Variants in NCOA3 observed in about 807,000 individuals in gnomAD.
NCOA3 encodes the protein CBP-interacting protein.
NCOA3 carries 51 observed loss-of-function variants against 158.8 expected under a neutral mutation model. The observed-to-expected ratio is 0.32, with a 90% CI of 0.26 to 0.41. NCOA3 has a LOEUF of 0.41. NCOA3 is among the 10% of genes least tolerant of loss of function. The pLI, the probability that NCOA3 is intolerant of heterozygous loss-of-function variation, is 1.00. For missense variants in NCOA3, 1,510 were observed against 1,746.6 expected, an observed-to-expected ratio of 0.86 and a Z score of 2.41; for synonymous variants, 537 against 592.4, an observed-to-expected ratio of 0.91 and a Z score of 1.36.
At chr20:47,631,857 A>G (rs1377413491) in intron 8 of NCOA3, among the ~76,000 whole-genome samples, 1 of 152,168 alleles carries the variant, frequency 6.6e-6, no homozygotes, top group Non-Finnish European at 1.5e-5. Context: ...AGTTTGTGTG[A>G]TATATATTCT....
At position 47,649,020 on chromosome 20, in the gene NCOA3, C is replaced by T. The variant is rs997500795; in HGVS notation, c.3562C>T (p.Arg1188Ter). 8 of 1,612,904 alleles carry T rather than the reference C, an allele frequency of 5.0e-6. No homozygotes were observed. In the Admixed American group the frequency reaches 6.7e-5, roughly 13 times the overall value. ...CTCACCTCAGTTTTTGAATCAGAGC[C>T]GACAGGCACTTGAATTGAAAATGGA... ...LQGQQFLNQS[R>*]QALELKMENP... Residue 1188 changes from arginine to a stop codon, truncating the protein, a stop_gained, in exon 19 of 23, where the codon CGA (arginine) becomes TGA (stop). Transcript: ENST00000371998. LOFTEE classifies it high-confidence loss of function.
At chr20:47,588,752 C>T (rs1365832973) in intron 2 of NCOA3, among the ~76,000 whole-genome samples, 3 of 151,916 alleles carry the variant, frequency 2.0e-5, no homozygotes, top group Non-Finnish European at 2.9e-5. Flanking sequence ...CAAAAGATAG[C>T]GTACTATATA....
chr20:47,596,058 G>A (rs1462979788), intron 2 of NCOA3, among the ~76,000 whole-genome samples: 2 of 152,030 alleles, frequency 1.3e-5, no homozygotes, highest in African/African-American at 4.8e-5. Flanking sequence ...TACTTTGAAG[G>A]CTATTCTTGA....
At chr20:47,576,816 A>G (rs1162894899) in intron 1 of NCOA3, among the ~76,000 whole-genome samples, 3 of 152,178 alleles carry the variant, frequency 2.0e-5, no homozygotes, top group African/African-American at 7.2e-5. Context: ...CCACTGGTGG[A>G]GCCCAGAGCT....
chr20:47,543,984 T>C (rs926855033), intron 1 of NCOA3, among the ~76,000 whole-genome samples: 1 of 152,186 alleles, frequency 6.6e-6, no homozygotes. Flanking sequence ...AAAAAACTAT[T>C]TTGAAATAAT....
Position 47,647,074 on chromosome 20 carries a change from G to GA in NCOA3, c.3255dup (p.Gln1086ThrfsTer51), listed in dbSNP as rs1454483645. The GA allele has an allele frequency of 6.2e-7, 1 of 1,612,652 alleles. No homozygotes were observed. Among genetic ancestry groups the GA allele is most frequent in the Non-Finnish European group, 8.5e-7 (1 of 1,179,068 alleles). ...GTTCTTTTATGTGTTGTGTTTAAGG[G>GA]ACAGGCATTAGAGCCCAAACAGGAT... On this transcript the variant is annotated frameshift_variant and splice_region_variant, in exon 18 of 23. Transcript: ENST00000371998. LOFTEE classifies it high-confidence loss of function.
intron 1 of NCOA3, among the ~76,000 whole-genome samples, chr20:47,548,907 A>G (rs1303556284): frequency 6.6e-6 from 1 of 152,226 alleles, no homozygotes; most frequent in Non-Finnish European, 1.5e-5. Context: ...AGGGTCTCCT[A>G]AAAATACCAT....
intron 2 of NCOA3, among the ~76,000 whole-genome samples, chr20:47,585,949 CAG>C (rs1340780722): frequency 3.6e-5 from 5 of 139,242 alleles, no homozygotes; most frequent in Admixed American, 7.5e-5. Flanking sequence ...TTTTTTGAGA[CAG>C]AGTTTGTTAC....
intron 1 of NCOA3, among the ~76,000 whole-genome samples, chr20:47,521,116 A>T (rs1019880000): frequency 1.3e-5 from 2 of 152,040 alleles, no homozygotes; most frequent in Non-Finnish European, 2.9e-5. Context: ...AAGATCTTTT[A>T]CCTAGGTTGC....
intron 19 of NCOA3, 103 bp from the exon 20 acceptor site, chr20:47,650,879 G>T: frequency 9.0e-7 from 1 of 1,113,520 alleles, no homozygotes; most frequent in Non-Finnish European, 1.3e-6. Context: ...GAAGGCCCTG[G>T]GTGTTTTCTG....
chr20:47,567,012 C>CTATGTACATATGTATGTATG lies in NCOA3; in HGVS notation c.-98-16165_-98-16164insCATATGTATGTATGTATGTA, dbSNP rs904150545. Among the ~76,000 whole-genome samples, 410 of 145,458 alleles carry CTATGTACATATGTATGTATG rather than the reference C, an allele frequency of 2.8e-3. 1 individual carries two copies. Among genetic ancestry groups the CTATGTACATATGTATGTATG allele is most frequent in the South Asian group, 5.4e-3 (24 of 4,482 alleles). On this transcript the variant is annotated intron_variant, in intron 1 of 22. Transcript: ENST00000371998. Reference sequence around the variant, plus strand: ...TACTAACAGTTTACATGGTATAGTACTATGTATGTATGTATGTATGTATGT... The same window carrying CTATGTACATATGTATGTATG: ...TACTAACAGTTTACATGGTATAGTACTATGTACATATGTATGTATGTATGTATGTATGTATGTATGTATGT...
At chr20:47,642,172 A>G in intron 16 of NCOA3, 41 bp from the exon 17 acceptor site, 1 of 1,481,288 alleles carries the variant, frequency 6.8e-7, no homozygotes, top group Non-Finnish European at 9.0e-7. Context: ...TCTTAGAAAA[A>G]AAAAAAGCAC....
chr20:47,520,866 G>A (rs1271145093), intron 1 of NCOA3, among the ~76,000 whole-genome samples: 47 of 152,184 alleles, frequency 3.1e-4, no homozygotes, highest in Non-Finnish European at 1.5e-5. Context: ...TAAATCCCAC[G>A]GCAGGATCTG....
chr20:47,517,883 C>T (rs1569314024), intron 1 of NCOA3, among the ~76,000 whole-genome samples: 1 of 152,068 alleles, frequency 6.6e-6, no homozygotes, highest in African/African-American at 2.4e-5. Context: ...AAAGAAGGAT[C>T]GTCCAGTCCT....
At chr20:47,602,922 T>G (rs1177557638) in intron 2 of NCOA3, among the ~76,000 whole-genome samples, 1 of 152,172 alleles carries the variant, frequency 6.6e-6, no homozygotes, top group Non-Finnish European at 1.5e-5. Flanking sequence ...TGAAGGGTTT[T>G]TTTTAGGCTA....
chr20:47,566,947 T>G (rs2085204073), intron 1 of NCOA3, among the ~76,000 whole-genome samples: 1 of 151,726 alleles, frequency 6.6e-6, no homozygotes, highest in Admixed American at 6.6e-5. Context: ...AGCAAGACTG[T>G]CAAAAAAGAA....
At chr20:47,540,732 G>GTA (rs573050182) in intron 1 of NCOA3, among the ~76,000 whole-genome samples, 185 of 152,218 alleles carry the variant, frequency 1.2e-3, no homozygotes, top group Non-Finnish European at 2.2e-3. Context: ...GATAACTAGA[G>GTA]AAGATTTAAA....
chr20:47,528,757 A>G (rs1178720612), intron 1 of NCOA3, among the ~76,000 whole-genome samples: 1 of 152,212 alleles, frequency 6.6e-6, no homozygotes, highest in Admixed American at 6.5e-5. Context: ...TTACCTAAGT[A>G]TCTACCTGGA....
intron 2 of NCOA3, among the ~76,000 whole-genome samples, chr20:47,590,493 A>C (rs2085612220): frequency 6.6e-6 from 1 of 152,090 alleles, no homozygotes; most frequent in Non-Finnish European, 1.5e-5. Context: ...GCCATTTAAA[A>C]ATTTTCCTAC....
Sources: allele counts gnomAD v4.1 joint callset (sites outside exome capture counted in the v4.1 genomes callset), GRCh38; gene constraint gnomAD v4.1.1; transcripts MANE v1.5; gene names NCBI Gene and HGNC (gene_info 2026-07-23, HGNC 2026-07-21).